The following UGT1A3 variants were observed in gnomAD, a reference collection of about 807,000 sequenced individuals.
UGT1A3 encodes the protein UDP-glucuronosyltransferase 1A3.
A neutral mutation model predicts 41.0 loss-of-function variants in UGT1A3; 31 were observed. The ratio of observed to expected loss-of-function variants is 0.76; its 90% CI spans 0.57 to 1.02. The LOEUF is 1.02. Ranked by LOEUF, UGT1A3 falls within the 50% of genes least tolerant of loss-of-function variation. UGT1A3 has a pLI of 0.00. For synonymous variants in UGT1A3, 262 were observed against 257.6 expected (o/e 1.02, Z -0.17); for missense variants, 737 against 671.0 (o/e 1.10, Z -1.09).
intron 1 of UGT1A3, among the ~76,000 whole-genome samples, chr2:233,766,371 C>T (rs997095711): frequency 1.3e-5 from 2 of 152,154 alleles, no homozygotes; most frequent in Non-Finnish European, 2.9e-5. Context: ...TTGGTGAGTT[C>T]TTCTCAATGT....
chr2:233,758,832 A>G (rs1444502307), intron 1 of UGT1A3, among the ~76,000 whole-genome samples: 2 of 152,162 alleles, frequency 1.3e-5, no homozygotes, highest in Non-Finnish European at 2.9e-5. Context: ...CCCCAAAAAG[A>G]GTGTAATACT....
intron 1 of UGT1A3, among the ~76,000 whole-genome samples, chr2:233,735,187 T>C (rs1397498111): frequency 6.8e-6 from 1 of 147,662 alleles, no homozygotes; most frequent in African/African-American, 2.5e-5. Flanking sequence ...GCTTTATGAA[T>C]CTAGGTGCTC....
intron 1 of UGT1A3, chr2:233,752,598 T>G (rs1695013249): frequency 6.6e-6 from 1 of 152,212 alleles, no homozygotes. Flanking sequence ...CAAGATTTTT[T>G]TTAAAAAAAC....
intron 1 of UGT1A3, among the ~76,000 whole-genome samples, chr2:233,744,545 T>A (rs1042010726): frequency 6.6e-6 from 1 of 151,936 alleles, no homozygotes; most frequent in Non-Finnish European, 1.5e-5. Context: ...TAAATTTTAT[T>A]AAGACAAAAT....
At chr2:233,763,477 G>T (rs553290095) in intron 1 of UGT1A3, among the ~76,000 whole-genome samples, 67 of 152,208 alleles carry the variant, frequency 4.4e-4, no homozygotes, top group South Asian at 2.7e-3. Context: ...TAATAGATTT[G>T]ATTGTAACTC....
rs949471199 is a variant in UGT1A3, at chr2:233,747,414, C to T, written c.867+17421C>T. Reference sequence around the variant, plus strand: ...GGTCCTCACCCCAGAGGTGAATATGCACATCAAACAAGAGAAATTTTTCAC... The same window carrying T: ...GGTCCTCACCCCAGAGGTGAATATGTACATCAAACAAGAGAAATTTTTCAC... On this transcript the variant is annotated intron_variant, in intron 1 of 4. Transcript: ENST00000482026. 5.6e-6 allele frequency: 9 copies of T among 1,606,904 alleles called. No individual in the cohort carries two copies. In the Admixed American group the frequency reaches 6.7e-5, roughly 12 times the overall value.
intron 1 of UGT1A3, chr2:233,753,536 C>G (rs1575719144): frequency 6.6e-6 from 1 of 152,188 alleles, no homozygotes. Flanking sequence ...CTCATGCAAA[C>G]TTTTCCTCAG....
At chr2:233,767,218 C>T (rs1699339085) in intron 2 of UGT1A3, 53 bp downstream of exon 2, 14 of 1,611,886 alleles carry the variant, frequency 8.7e-6, no homozygotes, top group East Asian at 2.2e-5. Context: ...GAGCGCTAAT[C>T]CCAGACTTCC....
chr2:233,765,502 A>G (rs1698851224), intron 1 of UGT1A3, among the ~76,000 whole-genome samples: 1 of 152,194 alleles, frequency 6.6e-6, no homozygotes, highest in Non-Finnish European at 1.5e-5. Flanking sequence ...AAACTAACAC[A>G]GGAACAGAAA....
chr2:233,755,070 C>T (rs1695739797), intron 1 of UGT1A3: 5 of 1,336,550 alleles, frequency 3.7e-6, no homozygotes, highest in South Asian at 1.1e-5. Context: ...CTCGCCATAG[C>T]GGTCATAGAT....
Position 233,755,064 on chromosome 2 carries a change from C to T in UGT1A3, c.868-11970C>T, listed in dbSNP as rs570313254. ...GCAGCCGCCCTCCGCCCTCGCCTCGCCATAGCGGTCATAGATATCGCGTTT... is the reference window on the plus strand; with the variant it reads ...GCAGCCGCCCTCCGCCCTCGCCTCGTCATAGCGGTCATAGATATCGCGTTT... On this transcript the variant is annotated intron_variant, in intron 1 of 4. Coordinates refer to ENST00000482026, the MANE Select transcript of UGT1A3 (RefSeq NM_019093.4). 1.3e-5 allele frequency: 17 copies of T among 1,335,842 alleles called. No homozygotes were observed. In the East Asian group the frequency reaches 3.2e-4, roughly 25 times the overall value. The allele number at this position is 1,335,842 out of a possible 1,614,324, so 82.7% of individuals were successfully genotyped here.
At chr2:233,738,846 A>G (rs1431495514) in intron 1 of UGT1A3, 1 of 152,252 alleles carries the variant, frequency 6.6e-6, no homozygotes, top group Admixed American at 6.5e-5. Context: ...AATGTTAATC[A>G]CCAAGACAAT....
chr2:233,767,252 T>C (rs959458816), intron 2 of UGT1A3, 87 bp downstream of exon 2: 5 of 1,599,856 alleles, frequency 3.1e-6, no homozygotes, highest in East Asian at 2.2e-5. Context: ...ATTCTCTTAA[T>C]TGGAACCTTA....
Position 233,748,244 on chromosome 2 carries a change from G to A in UGT1A3, c.867+18251G>A, listed in dbSNP as rs181996074. Among the ~76,000 whole-genome samples the A allele has an allele frequency of 5.8e-4, 88 of 151,858 alleles. 1 individual carries two copies. Among genetic ancestry groups the A allele is most frequent in the African/African-American group, 1.9e-3 (79 of 41,160 alleles). ...AAACTGTTAAGGGGTCTCTAGTAGCGTATTTCAGGTTTTAAATGGTCAATG... is the reference window on the plus strand; with the variant it reads ...AAACTGTTAAGGGGTCTCTAGTAGCATATTTCAGGTTTTAAATGGTCAATG... On this transcript the variant is annotated intron_variant, in intron 1 of 4. Transcript: ENST00000482026.
intron 1 of UGT1A3, among the ~76,000 whole-genome samples, chr2:233,745,926 AAGGG>A (rs1399819653): frequency 2.0e-5 from 3 of 151,524 alleles, no homozygotes; most frequent in East Asian, 3.9e-4. Context: ...AGTGATTCAG[AAGGG>A]ACAGCTGGGG....
At chr2:233,736,387 T>C (rs1375947761) in intron 1 of UGT1A3, among the ~76,000 whole-genome samples, 2 of 152,190 alleles carry the variant, frequency 1.3e-5, no homozygotes, top group African/African-American at 2.4e-5. Flanking sequence ...TTCTCTACAG[T>C]GTTTATTCTA....
chr2:233,767,071 G>T lies in UGT1A3; in HGVS notation c.905G>T (p.Gly302Val). 6.2e-7 allele frequency: 1 copy of T among 1,614,098 alleles called. No homozygotes were observed. ...TACATTAATGCTTCTGGAGAACATG[G>T]AATTGTGGTTTTCTCTTTGGGATCA... ...EAYINASGEH[G>V]IVVFSLGSMV... The change falls in exon 2 of 5, where the codon GGA becomes GTA. Residue 302 changes from glycine (G) to valine (V), a missense_variant. Gly to Val is a moderately radical substitution (Grantham distance 109). Coordinates refer to ENST00000482026, the MANE Select transcript of UGT1A3 (RefSeq NM_019093.4).
chr2:233,769,821 C>T lies in UGT1A3; in HGVS notation c.1307+1382C>T, dbSNP rs1699946575. 1.3e-6 allele frequency: 1 copy of T among 784,900 alleles called. No homozygotes were observed. 48.6% of individuals were successfully genotyped at this position (784,900 alleles called of 1,614,324 possible). A position where few individuals can be genotyped will look rare whatever the true frequency, so the allele number is the denominator to read the frequency against. The stretch of plus-strand genomic sequence containing the variant: ...TATGAGCCGTGATCATGCCACTGCA[C>T]TCCAGCAACCTGGGCAACAGAGTGA... On this transcript the variant is annotated intron_variant, in intron 4 of 4. Transcript: ENST00000482026. The surrounding 1 kb of genome is among the most constrained non-coding windows in gnomAD (Gnocchi z 4.4).
At chr2:233,755,059 C>G (rs773771831) in intron 1 of UGT1A3, 6 of 1,335,122 alleles carry the variant, frequency 4.5e-6, no homozygotes, top group Admixed American at 3.8e-5. Context: ...TCCGCCCTCG[C>G]CTCGCCATAG....
Sources: gnomAD v4.1 joint callset for allele counts (sites outside exome capture counted in the v4.1 genomes callset) on GRCh38, gnomAD v4.1.1 for gene constraint, Gnocchi (gnomAD v3.1) non-coding constraint, MANE v1.5 for transcripts, NCBI Gene and HGNC (gene_info 2026-07-23, HGNC 2026-07-21) for gene names.